Variants in CUX1 observed in about 807,000 individuals in gnomAD.
The protein encoded by CUX1 is protein CASP.
In CUX1, 31 loss-of-function variants were observed where a neutral mutation model predicts 158.8. That is an observed-to-expected ratio of 0.20 (90% CI 0.15 to 0.26). The LOEUF (loss-of-function observed/expected upper bound fraction) is 0.26, where lower values mean the gene tolerates loss of function less well. Ranked by LOEUF, CUX1 falls within the 10% of genes least tolerant of loss-of-function variation. The probability of loss-of-function intolerance (pLI) is 1.00; values close to 1 mark genes in which losing one functional copy is unlikely to be tolerated. For missense variants in CUX1, 1,589 were observed against 2,014.6 expected, an observed-to-expected ratio of 0.79 and a Z score of 4.04; for synonymous variants, 879 against 862.1, an observed-to-expected ratio of 1.02 and a Z score of -0.34.
In CUX1 at chr7:102,193,698, G is replaced by A. The variant is rs147770775; in HGVS notation, c.1077-144G>A. The A allele has an allele frequency of 1.8e-3, 1,356 of 737,020 alleles. 6 individuals are homozygous for A. The highest frequency in any genetic ancestry group is 0.017 in the African/African-American group (948 of 56,558). The allele number at this position is 737,020 out of a possible 1,614,324, so 45.7% of individuals were successfully genotyped here. Reference sequence around the variant, plus strand: ...CACATGCCTGTAATCCCAGCTACTCGGGAGGCTGAGGTAGGAGAATCGCTT... The same window carrying A: ...CACATGCCTGTAATCCCAGCTACTCAGGAGGCTGAGGTAGGAGAATCGCTT... On this transcript the variant is annotated intron_variant, in intron 12 of 23. Coordinates refer to ENST00000292535, the MANE Select transcript of CUX1 (RefSeq NM_181552.4).
In CUX1 at chr7:102,078,248, A is replaced by T. The variant is rs1286991921; in HGVS notation, c.268+7831A>T. On this transcript the variant is annotated intron_variant, in intron 4 of 23. Coordinates refer to ENST00000292535, the MANE Select transcript of CUX1 (RefSeq NM_181552.4). The stretch of plus-strand genomic sequence containing the variant: ...ACGCCACCACACCTGGCTAATTTTT[A>T]AATTTTTTGTAGAGATGGGGTCTTG... Among the ~76,000 whole-genome samples, 5 of 152,058 alleles carry T rather than the reference A, an allele frequency of 3.3e-5. No individual in the cohort carries two copies. The East Asian group carries it at 9.7e-4, about 29-fold the overall frequency.
chr7:102,121,844 C>T (rs944392168), intron 8 of CUX1, among the ~76,000 whole-genome samples: 3 of 152,074 alleles, frequency 2.0e-5, no homozygotes, highest in Admixed American at 6.6e-5. Context: ...GAGACCACGG[C>T]GGTCTTCAAA....
chr7:102,192,504 G>A (rs913475388), intron 12 of CUX1, among the ~76,000 whole-genome samples: 7 of 152,150 alleles, frequency 4.6e-5, no homozygotes, highest in Non-Finnish European at 8.8e-5. Context: ...AAAGAAAATA[G>A]GAAACGAAGG....
intron 2 of CUX1, among the ~76,000 whole-genome samples, chr7:101,982,069 C>T (rs1026063352): frequency 6.6e-6 from 1 of 152,366 alleles, no homozygotes; most frequent in African/African-American, 2.4e-5. Context: ...TTGTCCAAGT[C>T]GATCTTGGCA....
At chr7:102,000,216 C>CA (rs113719298) in intron 2 of CUX1, among the ~76,000 whole-genome samples, 80,939 of 146,262 alleles carry the variant, frequency 0.55, 23,041 homozygotes, top group East Asian at 0.95. Context: ...AACTCTATCT[C>CA]AAAAAAAAAA....
At position 101,876,323 on chromosome 7, in the gene CUX1, C is replaced by T. The variant is rs188944378; in HGVS notation, c.31-39792C>T. On this transcript the variant is annotated intron_variant, in intron 1 of 23. Transcript: ENST00000292535. ...TGGTGCCACTGCGTTCCAGCCTGGG[C>T]GACAGATTAAAAAAAAAACAAAAAA... Among the ~76,000 whole-genome samples, 620 of 132,936 alleles carry T rather than the reference C, an allele frequency of 4.7e-3. 5 individuals carry two copies. The highest frequency in any genetic ancestry group is 7.5e-3 in the Non-Finnish European group (477 of 63,262). 87.2% of individuals were successfully genotyped at this position (132,936 alleles called of 152,430 possible).
At chr7:102,281,827 T>C (rs782104495) in intron 20 of CUX1, 3 of 1,601,082 alleles carry the variant, frequency 1.9e-6, no homozygotes, top group East Asian at 4.5e-5. Flanking sequence ...ACTCACCCCC[T>C]CCTTGCTCCC....
At chr7:101,872,722 A>G (rs924455933) in intron 1 of CUX1, among the ~76,000 whole-genome samples, 3 of 152,096 alleles carry the variant, frequency 2.0e-5, no homozygotes, top group Non-Finnish European at 2.9e-5. Context: ...CTTCTAGGTT[A>G]AAGTTTTCAA....
At chr7:102,204,626 C>T (rs1400762181) in intron 19 of CUX1, 70 bp downstream of exon 19, 6 of 1,560,774 alleles carry the variant, frequency 3.8e-6, no homozygotes, top group Non-Finnish European at 4.3e-6. Context: ...GCAGCCCCAC[C>T]TGGGCTATGC....
chr7:101,979,719 G>T (rs943656528), intron 2 of CUX1, among the ~76,000 whole-genome samples: 1 of 151,930 alleles, frequency 6.6e-6, no homozygotes, highest in Non-Finnish European at 1.5e-5. Context: ...GCACAATGTC[G>T]GTTCACTGCA....
chr7:101,889,662 C>T (rs1800645696), intron 1 of CUX1, among the ~76,000 whole-genome samples: 1 of 152,186 alleles, frequency 6.6e-6, no homozygotes, highest in East Asian at 1.9e-4. Context: ...ATCCCAGCTA[C>T]TCAGGAGGCT....
At chr7:102,189,750 T>C (rs1794075588) in intron 11 of CUX1, 63 bp from the exon 12 acceptor site, 2 of 1,564,496 alleles carry the variant, frequency 1.3e-6, no homozygotes, top group Admixed American at 1.7e-5. Flanking sequence ...GTGAATGCCG[T>C]CGGTGAAGTC....
chr7:102,021,254 T>A (rs1819303022), intron 2 of CUX1, among the ~76,000 whole-genome samples: 1 of 152,292 alleles, frequency 6.6e-6, no homozygotes, highest in Admixed American at 6.5e-5. Context: ...CCCAGAAAAG[T>A]ATCCAAGTTA....
At chr7:102,273,268 C>T in intron 14 of CUX1, 1 of 1,497,134 alleles carries the variant, frequency 6.7e-7, no homozygotes, top group Admixed American at 2.0e-5. Flanking sequence ...TCCAGGCAGC[C>T]CTGCTTCCAG....
intron 2 of CUX1, among the ~76,000 whole-genome samples, chr7:101,957,758 G>T (rs1353195536): frequency 6.6e-6 from 1 of 152,042 alleles, no homozygotes; most frequent in Non-Finnish European, 1.5e-5. Context: ...AAAAACAAGA[G>T]AATGTTACTT....
At chr7:102,136,344 G>A (rs1799176015) in intron 8 of CUX1, among the ~76,000 whole-genome samples, 1 of 151,024 alleles carries the variant, frequency 6.6e-6, no homozygotes, top group Non-Finnish European at 1.5e-5. Context: ...ACAACCTTTA[G>A]TATTTTGGTC....
intron 1 of CUX1, among the ~76,000 whole-genome samples, chr7:101,836,273 C>T (rs2970466): frequency 0.15 from 22,386 of 152,116 alleles, 1,783 homozygotes; most frequent in Non-Finnish European, 0.18. Flanking sequence ...CTGTCTCTTC[C>T]TCAGATTTCT....
intron 11 of CUX1, among the ~76,000 whole-genome samples, chr7:102,185,214 G>A (rs1443859337): frequency 1.3e-5 from 2 of 152,204 alleles, no homozygotes; most frequent in East Asian, 1.9e-4. Context: ...TGTAGTAATT[G>A]TAGTAACAAG....
chr7:102,204,951 G>T (rs1222105241), intron 19 of CUX1, among the ~76,000 whole-genome samples, 163 bp from the exon 20 acceptor site: 11 of 152,210 alleles, frequency 7.2e-5, no homozygotes, highest in African/African-American at 2.4e-4. Flanking sequence ...CCGGCCCGGG[G>T]GCCTGGCCTT....
Sources: gnomAD v4.1 joint callset for allele counts (sites outside exome capture counted in the v4.1 genomes callset) on GRCh38, gnomAD v4.1.1 for gene constraint, MANE v1.5 for transcripts, NCBI Gene and HGNC (gene_info 2026-07-23, HGNC 2026-07-21) for gene names.